BCAS3: variants seen among roughly 807,000 people sequenced by gnomAD.
The protein encoded by BCAS3 is BCAS4/BCAS3 fusion.
In BCAS3, 53 loss-of-function variants were observed where a neutral mutation model predicts 116.1. The ratio of observed to expected loss-of-function variants is 0.46; its 90% confidence interval spans 0.37 to 0.57. The LOEUF (loss-of-function observed/expected upper bound fraction) is 0.57, where lower values mean the gene tolerates loss of function less well. Among genes scored for constraint, BCAS3 ranks in the 20% least tolerant of loss-of-function variants. The pLI is 0.00. For missense variants in BCAS3, 917 were observed against 1,165.4 expected, an observed-to-expected ratio of 0.79 and a Z score of 3.10; for synonymous variants, 391 against 408.2, an observed-to-expected ratio of 0.96 and a Z score of 0.51.
chr17:60,738,241 G>A (rs573924605), intron 5 of BCAS3, among the ~76,000 whole-genome samples: 1 of 152,236 alleles, frequency 6.6e-6, no homozygotes, highest in Non-Finnish European at 1.5e-5. Context: ...GTGCTGTTGA[G>A]TTCAACTATG....
Position 61,128,517 on chromosome 17 carries a change from C to T in BCAS3, c.2425+43953C>T, listed in dbSNP as rs754106262. 1.6e-5 allele frequency: 16 copies of T among 985,160 alleles called. No homozygotes were observed. In the East Asian group the frequency reaches 5.7e-4, roughly 35 times the overall value. 61.0% of individuals were successfully genotyped at this position (985,160 alleles called of 1,614,324 possible). A position where few individuals can be genotyped will look rare whatever the true frequency, so the allele number is the denominator to read the frequency against. On this transcript the variant is annotated intron_variant, in intron 22 of 23. Transcript: ENST00000407086. This position sits in a 1 kb window ranked among gnomAD's most constrained non-coding sequence, Gnocchi z 4.1. ...GTTAACAAGCAATGGACAAACCTTC[C>T]GTTCTTCTCTATCCCAAATCGTTTG... is the stretch of plus-strand genomic sequence containing the variant.
At chr17:60,867,222 C>T (rs2054681443) in intron 7 of BCAS3, among the ~76,000 whole-genome samples, 1 of 151,818 alleles carries the variant, frequency 6.6e-6, no homozygotes, top group African/African-American at 2.4e-5. Context: ...TTTCCTGCTT[C>T]AGCCTCTCAA....
At position 61,045,865 on chromosome 17, in the gene BCAS3, A is replaced by ATATAAATATATATTATATATAT. The variant is rs757031336; in HGVS notation, c.2029+4973_2029+4974insTATAAATATATATTATATATAT. 3.5e-3 allele frequency among the ~76,000 whole-genome samples: 14 copies of ATATAAATATATATTATATATAT among 3,964 alleles called. 1 individual carries two copies. Among genetic ancestry groups the ATATAAATATATATTATATATAT allele is most frequent in the East Asian group, 0.018 (1 of 56 alleles). 2.6% of individuals were successfully genotyped at this position (3,964 alleles called of 152,430 possible). ...TCTCTCTCTCTATATATATATATAT[A>ATATAAATATATATTATATATAT]AATATATATAAATATATATTATATA... On this transcript the variant is annotated intron_variant, in intron 19 of 23. Coordinates refer to ENST00000407086, the MANE Select transcript of BCAS3 (RefSeq NM_017679.5).
rs183761651 is a variant in BCAS3, at chr17:61,056,096, C to T, written c.2029+15204C>T. Among the ~76,000 whole-genome samples, 245 of 152,280 alleles carry T rather than the reference C, an allele frequency of 1.6e-3. 2 individuals carry two copies. The highest frequency in any genetic ancestry group is 4.7e-3 in the African/African-American group (197 of 41,562). ...TGGTCACTGCATTCCAGATTTCTTT[C>T]GTGGTATAAATGTGGACCACCTGCC... On this transcript the variant is annotated intron_variant, in intron 19 of 23. Coordinates refer to ENST00000407086, the MANE Select transcript of BCAS3 (RefSeq NM_017679.5). The surrounding 1 kb of genome is among the most constrained non-coding windows in gnomAD (Gnocchi z 4.9).
At position 60,747,186 on chromosome 17, in the gene BCAS3, TCTC is replaced by T; in HGVS notation, c.322-11_322-9del. 2 of 1,577,018 alleles carry T rather than the reference TCTC, an allele frequency of 1.3e-6. No individual in the cohort carries two copies. Among genetic ancestry groups the T allele is most frequent in the Non-Finnish European group, 8.7e-7 (1 of 1,150,692 alleles). ...TTTCCCACTGAAATATTTTCTTTCTTCTCTTATGCAGATCAGTGGTGAAGCACA... is the reference window on the plus strand; with the variant it reads ...TTTCCCACTGAAATATTTTCTTTCTTTTATGCAGATCAGTGGTGAAGCACA... On this transcript the variant is annotated splice_polypyrimidine_tract_variant and intron_variant, in intron 5 of 23. Transcript: ENST00000407086.
intron 14 of BCAS3, among the ~76,000 whole-genome samples, chr17:60,987,301 C>G (rs1370959016): frequency 1.4e-5 from 2 of 145,488 alleles, no homozygotes; most frequent in Non-Finnish European, 1.5e-5. Flanking sequence ...TCTTTTTGCT[C>G]AGGATAGCTT....
At chr17:61,129,442 G>A (rs1054287402) in intron 22 of BCAS3, among the ~76,000 whole-genome samples, 1 of 152,194 alleles carries the variant, frequency 6.6e-6, no homozygotes, top group Non-Finnish European at 1.5e-5. Context: ...ACACTGCACT[G>A]AGCAAAGGTT....
intron 7 of BCAS3, among the ~76,000 whole-genome samples, chr17:60,809,173 A>G (rs2048556235): frequency 1.3e-5 from 2 of 151,450 alleles, no homozygotes; most frequent in South Asian, 4.2e-4. Context: ...AACCCCAACT[A>G]CCCGGAAGGC....
intron 7 of BCAS3, chr17:60,851,571 A>C (rs2053168767): frequency 1.6e-6 from 1 of 623,618 alleles, no homozygotes; most frequent in Non-Finnish European, 3.0e-6. Flanking sequence ...ATTTCTACCC[A>C]AAACTTGGGT....
chr17:61,079,242 T>A (rs1338671076), intron 21 of BCAS3, among the ~76,000 whole-genome samples: 1 of 152,198 alleles, frequency 6.6e-6, no homozygotes, highest in Admixed American at 6.5e-5. Context: ...AAAAACTCTA[T>A]AGTATATCTT....
intron 6 of BCAS3, among the ~76,000 whole-genome samples, chr17:60,765,123 A>G (rs550140414): frequency 6.6e-6 from 1 of 152,218 alleles, no homozygotes; most frequent in Non-Finnish European, 1.5e-5. Flanking sequence ...TAGCACACTG[A>G]TAGGTCTTGA....
At position 61,363,820 on chromosome 17, in the gene BCAS3, G is replaced by A. The variant is rs1360557642; in HGVS notation, c.2426-4507G>A. Among the ~76,000 whole-genome samples the A allele has an allele frequency of 6.6e-6, 1 of 152,176 alleles. No individual in the cohort carries two copies. The highest frequency in any genetic ancestry group is 1.5e-5 in the Non-Finnish European group (1 of 68,042). On this transcript the variant is annotated intron_variant, in intron 22 of 23. Coordinates refer to ENST00000407086, the MANE Select transcript of BCAS3 (RefSeq NM_017679.5). This position sits in a 1 kb window ranked among gnomAD's most constrained non-coding sequence, Gnocchi z 4.9. ...CCCTGTAATGGGACTCAAAGGGCCA[G>A]CTCATCTGATGGAGTGTCCCTGGGC...
Position 61,171,938 on chromosome 17 carries a change from G to T in BCAS3, c.2425+87374G>T, listed in dbSNP as rs74334235. Among the ~76,000 whole-genome samples the T allele has an allele frequency of 2.8e-3, 427 of 152,194 alleles. 4 individuals carry two copies. Among genetic ancestry groups the T allele is most frequent in the African/African-American group, 9.8e-3 (406 of 41,522 alleles). ...GTGAGCCACCATACCCAGCAAACAG[G>T]AAGCTTTAAAAAGCAGGAATGGCTA... On this transcript the variant is annotated intron_variant, in intron 22 of 23. Transcript: ENST00000407086. The surrounding 1 kb of genome is among the most constrained non-coding windows in gnomAD (Gnocchi z 4.1).
intron 10 of BCAS3, among the ~76,000 whole-genome samples, chr17:60,898,471 A>G (rs1332879057): frequency 6.6e-6 from 1 of 151,772 alleles, no homozygotes; most frequent in Non-Finnish European, 1.5e-5. Context: ...TGTATACATC[A>G]TTAGGGGTAT....
At chr17:60,828,389 A>AT (rs890202294) in intron 7 of BCAS3, among the ~76,000 whole-genome samples, 8 of 152,116 alleles carry the variant, frequency 5.3e-5, no homozygotes, top group African/African-American at 1.7e-4. Context: ...ATTTTTAACC[A>AT]TTTTTTTGGG....
At chr17:60,908,564 G>A (rs1487250247) in intron 11 of BCAS3, among the ~76,000 whole-genome samples, 3 of 152,116 alleles carry the variant, frequency 2.0e-5, no homozygotes, top group Admixed American at 6.5e-5. Flanking sequence ...ACACTGTGGC[G>A]CCTGAATCTG....
In BCAS3 at chr17:61,136,274, G is replaced by A. The variant is rs2076632035; in HGVS notation, c.2425+51710G>A. Among the ~76,000 whole-genome samples the A allele has an allele frequency of 6.6e-6, 1 of 151,896 alleles. No individual in the cohort carries two copies. Among genetic ancestry groups the A allele is most frequent in the African/African-American group, 2.4e-5 (1 of 41,260 alleles). On this transcript the variant is annotated intron_variant, in intron 22 of 23. Transcript: ENST00000407086. The surrounding 1 kb of genome is among the most constrained non-coding windows in gnomAD (Gnocchi z 4.4). The stretch of plus-strand genomic sequence containing the variant: ...GCATCCCCTCTTCTTCTCTGCACCT[G>A]GAGCATCTTGGACATAGCTTTGTTT...
rs899822270 is a variant in BCAS3 at position 61,012,975 on chromosome 17, C to T, written c.1487-2776C>T. On this transcript the variant is annotated intron_variant, in intron 15 of 23. Coordinates refer to ENST00000407086, the MANE Select transcript of BCAS3 (RefSeq NM_017679.5). This position sits in a 1 kb window ranked among gnomAD's most constrained non-coding sequence, Gnocchi z 4.5. ...TCCTAAAACTGAAATATTTTATCTGCCATAGTTAGAGATTCCTCACTACTC... is the reference window on the plus strand; with the variant it reads ...TCCTAAAACTGAAATATTTTATCTGTCATAGTTAGAGATTCCTCACTACTC... 1.3e-5 allele frequency among the ~76,000 whole-genome samples: 2 copies of T among 152,056 alleles called. No homozygotes were observed. The highest frequency in any genetic ancestry group is 2.9e-5 in the Non-Finnish European group (2 of 67,956).
intron 22 of BCAS3, among the ~76,000 whole-genome samples, chr17:61,206,801 CAAAAAAAAA>C (rs71148392): frequency 1.3e-4 from 10 of 74,924 alleles, no homozygotes; most frequent in South Asian, 8.1e-4. Context: ...AACTCTGTCT[CAAAAAAAAA>C]AAAAAAAAAA....
Sources: gnomAD v4.1 joint callset for allele counts (sites outside exome capture counted in the v4.1 genomes callset) on GRCh38, gnomAD v4.1.1 for gene constraint, Gnocchi (gnomAD v3.1) non-coding constraint, MANE v1.5 for transcripts, NCBI Gene and HGNC (gene_info 2026-07-23, HGNC 2026-07-21) for gene names.